The following KCTD8 variants were observed in gnomAD, a reference collection of about 807,000 sequenced individuals.
KCTD8 encodes BTB/POZ domain-containing protein KCTD8.
Under a neutral mutation model 31.5 loss-of-function variants are expected in KCTD8, and 27 were observed. That is an observed-to-expected ratio of 0.86 (90% CI 0.63 to 1.18). The LOEUF (loss-of-function observed/expected upper bound fraction) is 1.18, where lower values mean the gene tolerates loss of function less well. Among genes scored for constraint, KCTD8 ranks in the 50% most tolerant of loss-of-function variants. KCTD8 has a pLI of 0.00. For missense variants in KCTD8, 658 were observed against 647.7 expected (o/e 1.02, Z -0.17); for synonymous variants, 290 against 280.0 (o/e 1.04, Z -0.36).
intron 1 of KCTD8, among the ~76,000 whole-genome samples, chr4:44,187,204 T>A (rs895289893): frequency 2.6e-5 from 4 of 152,250 alleles, no homozygotes; most frequent in Non-Finnish European, 4.4e-5. Flanking sequence ...ATTTTCTTTT[T>A]TCTGCAGAAG....
At chr4:44,387,977 C>T (rs1249643283) in intron 1 of KCTD8, among the ~76,000 whole-genome samples, 1 of 148,824 alleles carries the variant, frequency 6.7e-6, no homozygotes, top group Non-Finnish European at 1.5e-5. Flanking sequence ...TAACAAAGGT[C>T]TAACATTCAT....
intron 1 of KCTD8, among the ~76,000 whole-genome samples, chr4:44,443,521 T>G (rs938146180): frequency 1.1e-4 from 17 of 152,178 alleles, no homozygotes; most frequent in African/African-American, 3.6e-4. Context: ...TAAAAATTCA[T>G]TAAGACAAAT....
At chr4:44,339,679 A>G (rs1160323809) in intron 1 of KCTD8, among the ~76,000 whole-genome samples, 1 of 152,124 alleles carries the variant, frequency 6.6e-6, no homozygotes, top group Admixed American at 6.5e-5. Flanking sequence ...ATAACTTTCA[A>G]CCAGCTTAAA....
intron 1 of KCTD8, among the ~76,000 whole-genome samples, chr4:44,316,815 A>AAAAAAAAAAAAAAT: frequency 6.9e-6 from 1 of 143,992 alleles, no homozygotes; most frequent in Non-Finnish European, 1.5e-5. Context: ...AAAAAAAAAA[A>AAAAAAAAAAAAAAT]AAAAAAAAGA....
rs138290820 is a variant in KCTD8, at chr4:44,214,563, G to A, written c.962-39313C>T. Among the ~76,000 whole-genome samples, 330 of 152,152 alleles carry A rather than the reference G, an allele frequency of 2.2e-3. 11 individuals are homozygous for A. The East Asian group carries it at 0.056, about 26-fold the overall frequency. ...CTATTAAATAATACAATAAAACATC[G>A]TAACCCAGAGATAAAATGAAACCGC... On this transcript the variant is annotated intron_variant, in intron 1 of 1. Coordinates refer to ENST00000360029, the MANE Select transcript of KCTD8 (RefSeq NM_198353.3).
chr4:44,372,221 G>A (rs1719806055), intron 1 of KCTD8, among the ~76,000 whole-genome samples: 1 of 152,088 alleles, frequency 6.6e-6, no homozygotes, highest in Non-Finnish European at 1.5e-5. Flanking sequence ...ACAAACAGAT[G>A]TACCAAAAAT....
At chr4:44,219,596 T>C (rs916161720) in intron 1 of KCTD8, among the ~76,000 whole-genome samples, 5 of 152,168 alleles carry the variant, frequency 3.3e-5, no homozygotes, top group Non-Finnish European at 7.3e-5. Flanking sequence ...GAATCAAGGA[T>C]GAAGCTAGGG....
intron 1 of KCTD8, among the ~76,000 whole-genome samples, chr4:44,267,702 T>C (rs986892226): frequency 2.0e-5 from 3 of 151,978 alleles, no homozygotes; most frequent in Non-Finnish European, 4.4e-5. Flanking sequence ...TAAAAAATGA[T>C]AAAGGGGATA....
At position 44,174,292 on chromosome 4, in the gene KCTD8, T is replaced by G. The variant is rs1400581329; in HGVS notation, c.*498A>C. ...ACAGATCTTCCCTATTTCTTGTGAT[T>G]TATTTGTAACATTGTATTCATGCAA... On this transcript the variant is annotated 3_prime_UTR_variant, in exon 2 of 2. Coordinates refer to ENST00000360029, the MANE Select transcript of KCTD8 (RefSeq NM_198353.3). 1 of 152,736 alleles carries G rather than the reference T, an allele frequency of 6.5e-6. No homozygotes were observed. The highest frequency in any genetic ancestry group is 2.4e-5 in the African/African-American group (1 of 41,452). The allele number at this position is 152,736 out of a possible 1,614,324, so 9.5% of individuals were successfully genotyped here.
intron 1 of KCTD8, among the ~76,000 whole-genome samples, chr4:44,283,881 C>T (rs1716978741): frequency 6.6e-6 from 1 of 151,994 alleles, no homozygotes; most frequent in Admixed American, 6.6e-5. Context: ...TTCACAATTG[C>T]TACTAAGAGA....
rs139992330 is a variant in KCTD8, at chr4:44,267,924, C to T, written c.962-92674G>A. On this transcript the variant is annotated intron_variant, in intron 1 of 1. Transcript: ENST00000360029. ...CAATAGCTTACCAACCAAAAAGAGT[C>T]CAGGACCAGATGGATTCACAGCAGA... 5.9e-3 allele frequency among the ~76,000 whole-genome samples: 902 copies of T among 152,252 alleles called. 7 individuals carry two copies. Among genetic ancestry groups the T allele is most frequent in the Middle Eastern group, 0.027 (8 of 294 alleles).
intron 1 of KCTD8, among the ~76,000 whole-genome samples, chr4:44,315,609 GA>G (rs1017093086): frequency 6.6e-6 from 1 of 151,792 alleles, no homozygotes. Context: ...TTATTTTCTG[GA>G]AAACTCCCTA....
chr4:44,242,502 C>T (rs1715533312), intron 1 of KCTD8, among the ~76,000 whole-genome samples: 1 of 151,872 alleles, frequency 6.6e-6, no homozygotes, highest in African/African-American at 2.4e-5. Context: ...GGCGTGAACC[C>T]GGGAGGCGGA....
intron 1 of KCTD8, among the ~76,000 whole-genome samples, chr4:44,434,889 T>G (rs1357258482): frequency 1.3e-5 from 2 of 151,892 alleles, no homozygotes; most frequent in African/African-American, 2.4e-5. Context: ...CACCTAGTAA[T>G]TGCTGTCATT....
chr4:44,361,358 T>A (rs1719491266), intron 1 of KCTD8, among the ~76,000 whole-genome samples: 1 of 152,026 alleles, frequency 6.6e-6, no homozygotes. Context: ...TGGGCCATTG[T>A]TTAACATGTT....
intron 1 of KCTD8, among the ~76,000 whole-genome samples, chr4:44,361,241 T>A (rs775074979): frequency 1.1e-4 from 17 of 152,086 alleles, no homozygotes; most frequent in Non-Finnish European, 2.2e-4. Flanking sequence ...TGTATTCTTG[T>A]CAGAACTGGT....
intron 1 of KCTD8, among the ~76,000 whole-genome samples, chr4:44,191,798 T>A (rs1038447628): frequency 5.9e-5 from 9 of 152,196 alleles, no homozygotes; most frequent in Non-Finnish European, 1.0e-4. Flanking sequence ...TAGACCCTCA[T>A]CAGTAATTCT....
intron 1 of KCTD8, among the ~76,000 whole-genome samples, chr4:44,209,148 T>G (rs910418085): frequency 2.6e-5 from 4 of 152,114 alleles, no homozygotes; most frequent in Non-Finnish European, 5.9e-5. Context: ...AATGATCTGT[T>G]AAAATGGGGT....
At chr4:44,223,028 C>T (rs1302562025) in intron 1 of KCTD8, among the ~76,000 whole-genome samples, 2 of 152,008 alleles carry the variant, frequency 1.3e-5, no homozygotes, top group Non-Finnish European at 2.9e-5. Context: ...TAACTGGCTT[C>T]ATTATGTAGA....
Sources: gnomAD v4.1 joint callset for allele counts (sites outside exome capture counted in the v4.1 genomes callset) on GRCh38, gnomAD v4.1.1 for gene constraint, MANE v1.5 for transcripts, NCBI Gene and HGNC (gene_info 2026-07-23, HGNC 2026-07-21) for gene names.